Variants in ABCA13 observed in about 807,000 individuals in gnomAD.
The protein encoded by ABCA13 is ATP binding cassette subfamily A member 13.
Under a neutral mutation model 478.7 loss-of-function variants are expected in ABCA13, and 476 were observed. The ratio of observed to expected loss-of-function variants is 0.99; its 90% CI spans 0.92 to 1.07. ABCA13 has a LOEUF of 1.07. ABCA13 is among the 50% of genes least tolerant of loss of function. ABCA13 has a pLI of 0.00. For missense variants in ABCA13, 6,060 were observed against 5,910.6 expected, an observed-to-expected ratio of 1.03 and a Z score of -0.83; for synonymous variants, 2,252 against 2,158.9, an observed-to-expected ratio of 1.04 and a Z score of -1.20.
intron 48 of ABCA13, among the ~76,000 whole-genome samples, chr7:48,491,499 G>T (rs531175111): frequency 6.6e-5 from 10 of 152,322 alleles, no homozygotes; most frequent in African/African-American, 2.4e-4. Context: ...CAGACGTTTT[G>T]CTGGTGACTT....
In ABCA13 at chr7:48,596,642, CA is replaced by C. The variant is rs368051312; in HGVS notation, c.14744+1835del. On this transcript the variant is annotated intron_variant, in intron 58 of 61. Coordinates refer to ENST00000435803, the MANE Select transcript of ABCA13 (RefSeq NM_152701.5). The stretch of plus-strand genomic sequence containing the variant: ...AGAAACCACATCTCTACTAAAAATA[CA>C]AAAAATTAGCCAGGCGTGGTGGCGG... Among the ~76,000 whole-genome samples, 137 of 151,984 alleles carry C rather than the reference CA, an allele frequency of 9.0e-4. 1 individual carries two copies. Among genetic ancestry groups the C allele is most frequent in the African/African-American group, 3.1e-3 (130 of 41,504 alleles).
At chr7:48,528,861 C>T (rs1463849370) in intron 55 of ABCA13, among the ~76,000 whole-genome samples, 1 of 152,068 alleles carries the variant, frequency 6.6e-6, no homozygotes, top group Non-Finnish European at 1.5e-5. Flanking sequence ...ATGTTTATTC[C>T]CCTTGCTTTA....
At chr7:48,561,816 A>AGAGG (rs1786479514) in intron 55 of ABCA13, among the ~76,000 whole-genome samples, 1 of 149,578 alleles carries the variant, frequency 6.7e-6, no homozygotes. Context: ...AAAGTCATGT[A>AGAGG]GTTTTTTCTC....
At chr7:48,617,347 A>T (rs1280662213) in intron 59 of ABCA13, among the ~76,000 whole-genome samples, 1 of 152,138 alleles carries the variant, frequency 6.6e-6, no homozygotes, top group African/African-American at 2.4e-5. Context: ...TGAATAAGGA[A>T]GAGTAGGGTC....
At chr7:48,353,806 G>T (rs1441243751) in intron 31 of ABCA13, among the ~76,000 whole-genome samples, 1 of 151,972 alleles carries the variant, frequency 6.6e-6, no homozygotes, top group African/African-American at 2.4e-5. Flanking sequence ...GTGTGGTGCG[G>T]TGAACAAAAG....
intron 55 of ABCA13, among the ~76,000 whole-genome samples, chr7:48,535,507 T>C (rs1163043968): frequency 6.6e-6 from 1 of 152,178 alleles, no homozygotes; most frequent in East Asian, 1.9e-4. Flanking sequence ...AGGTGGCGCT[T>C]TCAAGAGTGT....
chr7:48,616,875 T>A (rs1307385354), intron 59 of ABCA13, among the ~76,000 whole-genome samples: 1 of 152,042 alleles, frequency 6.6e-6, no homozygotes, highest in Non-Finnish European at 1.5e-5. Context: ...TTTTTAAAAA[T>A]TAATTTTAAA....
At chr7:48,233,982 A>G (rs753987861) in intron 7 of ABCA13, 36 bp from the exon 8 acceptor site, 3 of 1,609,836 alleles carry the variant, frequency 1.9e-6, no homozygotes, top group Non-Finnish European at 2.5e-6. Flanking sequence ...AAATATTCAA[A>G]CAACTGCTGG....
At chr7:48,306,953 A>T (rs1248016713) in intron 23 of ABCA13, among the ~76,000 whole-genome samples, 2 of 152,200 alleles carry the variant, frequency 1.3e-5, no homozygotes, top group African/African-American at 2.4e-5. Context: ...AGGCAAAAAA[A>T]GTAAGAAAGT....
Position 48,507,920 on chromosome 7 carries a change from A to C in ABCA13, c.13395A>C (p.Gly4465=), listed in dbSNP as rs1349449941. The C allele has an allele frequency of 1.9e-6, 3 of 1,613,010 alleles. No homozygotes were observed. The highest frequency in any genetic ancestry group is 2.5e-6 in the Non-Finnish European group (3 of 1,179,612). ...QCGVALCIVL[G]FSILSASIGS... Reference sequence around the variant, plus strand: ...GAGTGGCCCTCTGCATCGTGCTGGGATTCTCCATCCTGTCTGCATCCATCG... The same window carrying C: ...GAGTGGCCCTCTGCATCGTGCTGGGCTTCTCCATCCTGTCTGCATCCATCG... Residue 4465 remains glycine, a synonymous_variant, in exon 50 of 62, where the codon GGA becomes GGC. Transcript: ENST00000435803.
chr7:48,200,699 A>G (rs540735392), intron 3 of ABCA13, among the ~76,000 whole-genome samples: 46 of 152,324 alleles, frequency 3.0e-4, no homozygotes, highest in South Asian at 1.0e-3. Context: ...GAGACAAGAA[A>G]GAGTGAAGCA....
chr7:48,356,809 G>T (rs953251449), intron 31 of ABCA13, among the ~76,000 whole-genome samples: 83 of 152,032 alleles, frequency 5.5e-4, no homozygotes, highest in African/African-American at 1.7e-3. Flanking sequence ...TTTATGATTG[G>T]AACTGTAGTG....
At chr7:48,364,619 G>A (rs567882474) in intron 31 of ABCA13, among the ~76,000 whole-genome samples, 3 of 151,938 alleles carry the variant, frequency 2.0e-5, no homozygotes, top group African/African-American at 7.3e-5. Context: ...ACCTCAATGA[G>A]TTCATTTTAT....
chr7:48,278,918 C>G lies in ABCA13; in HGVS notation c.7724C>G (p.Thr2575Ser). 1 of 1,613,042 alleles carries G rather than the reference C, an allele frequency of 6.2e-7. No homozygotes were observed. Among genetic ancestry groups the G allele is most frequent in the Non-Finnish European group, 8.5e-7 (1 of 1,179,776 alleles). The change falls in exon 18 of 62, where the codon ACT (threonine) becomes AGT (serine). Residue 2575 changes from threonine to serine, a missense_variant. Thr to Ser is a moderately conservative substitution (Grantham distance 58, BLOSUM62 1). This residue lies in a region of ABCA13 where 4,423 missense variants were observed against 4,309.1 expected (regional missense o/e 1.03). Transcript: ENST00000435803. ...CAAAATCTTGTGAAAGAAATAGCTA[C>G]TTTAAAAAAAATAGATCATTTCACA... ...SVQNLVKEIA[T>S]LKKIDHFTFE...
At chr7:48,582,256 T>A (rs1359466013) in intron 56 of ABCA13, among the ~76,000 whole-genome samples, 1 of 152,216 alleles carries the variant, frequency 6.6e-6, no homozygotes, top group East Asian at 1.9e-4. Flanking sequence ...ACTCTGACAC[T>A]TAGTTTATTC....
rs186203274 is a variant in ABCA13 at position 48,231,533 on chromosome 7, A to G, written c.763+1578A>G. Among the ~76,000 whole-genome samples, 71 of 152,268 alleles carry G rather than the reference A, an allele frequency of 4.7e-4. 1 individual carries two copies. The highest frequency in any genetic ancestry group is 2.8e-3 in the Admixed American group (43 of 15,298). The stretch of plus-strand genomic sequence containing the variant: ...ATGGGAGCAGTAGAATTAGATCTGC[A>G]TTATAGAAAGACACTCCTGGGCCGG... On this transcript the variant is annotated intron_variant, in intron 7 of 61. Coordinates refer to ENST00000435803, the MANE Select transcript of ABCA13 (RefSeq NM_152701.5).
At chr7:48,196,579 TG>T (rs1174472275) in intron 2 of ABCA13, among the ~76,000 whole-genome samples, 1 of 152,178 alleles carries the variant, frequency 6.6e-6, no homozygotes, top group Non-Finnish European at 1.5e-5. Flanking sequence ...CAGCCTGGCA[TG>T]GCAATGACTA....
intron 29 of ABCA13, among the ~76,000 whole-genome samples, chr7:48,343,588 TTTC>T (rs1807583335): frequency 1.1e-5 from 1 of 91,020 alleles, no homozygotes; most frequent in African/African-American, 3.7e-5. Flanking sequence ...TTATATAGAT[TTTC>T]TTTTTTTTTT....
intron 20 of ABCA13, among the ~76,000 whole-genome samples, chr7:48,295,069 T>C (rs1799180345): frequency 6.6e-6 from 1 of 152,240 alleles, no homozygotes; most frequent in South Asian, 2.1e-4. Context: ...CTGGATCATA[T>C]GGTAGTTCCA....
Sources: gnomAD v4.1 joint callset for allele counts (sites outside exome capture counted in the v4.1 genomes callset) on GRCh38, gnomAD v4.1.1 for gene constraint, gnomAD v4.1.1 regional missense constraint, MANE v1.5 for transcripts, NCBI Gene and HGNC (gene_info 2026-07-23, HGNC 2026-07-21) for gene names.